The following GULP1 variants were observed in gnomAD, a reference collection of about 807,000 sequenced individuals.
The protein encoded by GULP1 is PTB domain-containing engulfment adapter protein 1.
In GULP1, 19 loss-of-function variants were observed where a neutral mutation model predicts 40.9. That is an observed-to-expected ratio of 0.46 (90% CI 0.32 to 0.68). GULP1 has a LOEUF of 0.68. Ranked by LOEUF, GULP1 falls within the 30% of genes least tolerant of loss-of-function variation. The pLI, the probability that GULP1 is intolerant of heterozygous loss-of-function variation, is 0.03. For missense variants in GULP1, 312 were observed against 362.2 expected, an observed-to-expected ratio of 0.86 and a Z score of 1.12; for synonymous variants, 119 against 117.6, an observed-to-expected ratio of 1.01 and a Z score of -0.08.
chr2:188,312,129 T>C (rs976514190), intron 1 of GULP1, among the ~76,000 whole-genome samples: 4 of 152,062 alleles, frequency 2.6e-5, no homozygotes, highest in Non-Finnish European at 5.9e-5. Flanking sequence ...CATATCTCTT[T>C]ATGTTTTTTT....
chr2:188,558,217 A>T (rs1242544979), intron 7 of GULP1, among the ~76,000 whole-genome samples: 3 of 152,064 alleles, frequency 2.0e-5, no homozygotes, highest in Non-Finnish European at 4.4e-5. Context: ...GTACTCCCAT[A>T]ATACCCATAT....
At chr2:188,575,042 GA>G (rs1699893592) in intron 9 of GULP1, among the ~76,000 whole-genome samples, 1 of 152,136 alleles carries the variant, frequency 6.6e-6, no homozygotes, top group African/African-American at 2.4e-5. Flanking sequence ...TGGTCATACT[GA>G]TGGATTTTGA....
chr2:188,340,071 A>G (rs866713513), intron 1 of GULP1, among the ~76,000 whole-genome samples: 1 of 152,254 alleles, frequency 6.6e-6, no homozygotes, highest in South Asian at 2.1e-4. Context: ...ATGTAGGATC[A>G]TAGAATCTAA....
At chr2:188,342,488 A>G (rs2043105070) in intron 1 of GULP1, among the ~76,000 whole-genome samples, 1 of 152,166 alleles carries the variant, frequency 6.6e-6, no homozygotes, top group Non-Finnish European at 1.5e-5. Flanking sequence ...TATGAAGTAC[A>G]TCTACAAAGA....
In GULP1 at chr2:188,594,136, A is replaced by C; in HGVS notation, c.*125A>C. ...TTTTGAATATTTTAATATTTTGAAA[A>C]TTTTCTCAGTTAAATTTCCTCACCT... On this transcript the variant is annotated 3_prime_UTR_variant, in exon 12 of 12. Transcript: ENST00000409830. The C allele has an allele frequency of 1.8e-6, 1 of 543,448 alleles. No individual in the cohort carries two copies. Among genetic ancestry groups the C allele is most frequent in the Admixed American group, 3.3e-5 (1 of 30,484 alleles). 33.7% of individuals were successfully genotyped at this position (543,448 alleles called of 1,614,324 possible).
chr2:188,379,759 T>C (rs1416821533), intron 1 of GULP1, among the ~76,000 whole-genome samples: 1 of 152,206 alleles, frequency 6.6e-6, no homozygotes, highest in Non-Finnish European at 1.5e-5. Context: ...AAGAGTTTCC[T>C]ATAAATATTC....
At chr2:188,458,821 C>T (rs2059478461) in intron 2 of GULP1, among the ~76,000 whole-genome samples, 1 of 151,834 alleles carries the variant, frequency 6.6e-6, no homozygotes, top group Admixed American at 6.6e-5. Flanking sequence ...CCATCTCCCT[C>T]ACAGCACTCC....
chr2:188,480,617 T>G (rs1046492973), intron 3 of GULP1, among the ~76,000 whole-genome samples: 2 of 151,970 alleles, frequency 1.3e-5, no homozygotes, highest in African/African-American at 4.8e-5. Flanking sequence ...TTTGAAAAGA[T>G]CTTTAAAAAT....
chr2:188,447,525 C>G (rs1274854096), intron 2 of GULP1, among the ~76,000 whole-genome samples: 1 of 152,144 alleles, frequency 6.6e-6, no homozygotes, highest in African/African-American at 2.4e-5. Context: ...GTGGAATGTT[C>G]AAACTCTAAT....
intron 2 of GULP1, among the ~76,000 whole-genome samples, chr2:188,435,441 T>A (rs1466095245): frequency 3.3e-5 from 5 of 152,074 alleles, no homozygotes; most frequent in African/African-American, 1.2e-4. Flanking sequence ...TGACTATTAA[T>A]GGCTTACTCT....
intron 6 of GULP1, among the ~76,000 whole-genome samples, chr2:188,529,858 T>C (rs1687126421): frequency 6.6e-6 from 1 of 152,200 alleles, no homozygotes; most frequent in Non-Finnish European, 1.5e-5. Context: ...TTAAAGGCCT[T>C]ATCTCCTGTT....
At chr2:188,589,871 ATAAT>A (rs1703164457) in intron 11 of GULP1, 4 of 464,966 alleles carry the variant, frequency 8.6e-6, no homozygotes, top group African/African-American at 6.1e-5. Flanking sequence ...GGTATATCTG[ATAAT>A]TAGTTATGTT....
At chr2:188,410,776 A>G (rs1485870161) in intron 2 of GULP1, among the ~76,000 whole-genome samples, 1 of 152,168 alleles carries the variant, frequency 6.6e-6, no homozygotes, top group East Asian at 1.9e-4. Context: ...GGTCTGTGGG[A>G]GTTCACTCAG....
At chr2:188,400,125 C>G (rs1201919102) in intron 2 of GULP1, among the ~76,000 whole-genome samples, 1 of 152,082 alleles carries the variant, frequency 6.6e-6, no homozygotes, top group African/African-American at 2.4e-5. Context: ...TCCAAAGGCT[C>G]TAGGGGAGGA....
At chr2:188,415,721 G>T (rs2054492402) in intron 2 of GULP1, among the ~76,000 whole-genome samples, 1 of 152,024 alleles carries the variant, frequency 6.6e-6, no homozygotes, top group Admixed American at 6.6e-5. Flanking sequence ...TCCATTATAG[G>T]ATTAAAAGCA....
At chr2:188,419,626 C>T (rs2055093935) in intron 2 of GULP1, among the ~76,000 whole-genome samples, 1 of 151,082 alleles carries the variant, frequency 6.6e-6, no homozygotes, top group African/African-American at 2.4e-5. Flanking sequence ...ATATATGTGT[C>T]TTGCAGTATT....
chr2:188,324,384 A>T (rs1190049728), intron 1 of GULP1, among the ~76,000 whole-genome samples: 1 of 152,120 alleles, frequency 6.6e-6, no homozygotes, highest in Non-Finnish European at 1.5e-5. Flanking sequence ...GTGAACATAT[A>T]AAATGCCCAT....
At chr2:188,359,666 TATTAAAA>T (rs1459474374) in intron 1 of GULP1, among the ~76,000 whole-genome samples, 2 of 152,132 alleles carry the variant, frequency 1.3e-5, no homozygotes, top group Admixed American at 6.6e-5. Flanking sequence ...AGATGAACTG[TATTAAAA>T]ATTATATTGA....
chr2:188,560,055 T>TCTTTATCA (rs1479168203), intron 7 of GULP1, among the ~76,000 whole-genome samples: 2 of 152,208 alleles, frequency 1.3e-5, no homozygotes, highest in African/African-American at 4.8e-5. Flanking sequence ...CTTGGGTATG[T>TCTTTATCA]CTTTATCAGC....
Sources: allele counts gnomAD v4.1 joint callset (sites outside exome capture counted in the v4.1 genomes callset), GRCh38; gene constraint gnomAD v4.1.1; transcripts MANE v1.5; gene names NCBI Gene and HGNC (gene_info 2026-07-23, HGNC 2026-07-21).